CRYM: variants seen among roughly 807,000 people sequenced by gnomAD.
The protein encoded by CRYM is crystallin mu.
Under a neutral mutation model 32.9 loss-of-function variants are expected in CRYM, and 18 were observed. The observed-to-expected ratio is 0.55, with a 90% confidence interval of 0.38 to 0.81. CRYM has a LOEUF of 0.81. CRYM is among the 30% of genes least tolerant of loss of function. The pLI is 0.00. For missense variants in CRYM, 337 were observed against 393.5 expected (o/e 0.86, Z 1.21); for synonymous variants, 153 against 152.4 (o/e 1.00, Z -0.03).
At chr16:21,290,172 G>A (rs992139345) in intron 1 of CRYM, among the ~76,000 whole-genome samples, 1 of 152,142 alleles carries the variant, frequency 6.6e-6, no homozygotes, top group Non-Finnish European at 1.5e-5. Flanking sequence ...CTTCCATGCT[G>A]TGGGAACTTT....
intron 2 of CRYM, 76 bp from the exon 3 acceptor site, chr16:21,275,670 A>G (rs1266366833): frequency 4.0e-6 from 5 of 1,250,812 alleles, no homozygotes; most frequent in South Asian, 1.2e-5. Flanking sequence ...GTTCTAAAAT[A>G]TTAGCTTAGG....
intron 6 of CRYM, 21 bp downstream of exon 6, chr16:21,262,003 GTGGCAGCCCTGAC>G: frequency 6.2e-7 from 1 of 1,613,180 alleles, no homozygotes; most frequent in Non-Finnish European, 8.5e-7. Context: ...GGCCAGCCAG[GTGGCAGCCCTGAC>G]TGGGGTCAGA....
chr16:21,262,230 A>G, intron 5 of CRYM, 72 bp from the exon 6 acceptor site: 2 of 1,601,424 alleles, frequency 1.2e-6, no homozygotes, highest in Non-Finnish European at 1.7e-6. Flanking sequence ...AAAGCACAGG[A>G]GAGAGGTGAA....
intron 5 of CRYM, among the ~76,000 whole-genome samples, chr16:21,262,602 G>C (rs542280870): frequency 6.6e-6 from 1 of 152,228 alleles, no homozygotes; most frequent in Non-Finnish European, 1.5e-5. Flanking sequence ...CTGGGCAACA[G>C]AGTGAGGCTC....
At chr16:21,274,975 TC>T (rs1182561901) in intron 3 of CRYM, among the ~76,000 whole-genome samples, 1 of 152,206 alleles carries the variant, frequency 6.6e-6, no homozygotes, top group African/African-American at 2.4e-5. Context: ...CACTGCCATT[TC>T]CCTAACATTT....
chr16:21,296,454 T>A (rs1960789958), intron 1 of CRYM, among the ~76,000 whole-genome samples: 1 of 152,042 alleles, frequency 6.6e-6, no homozygotes, highest in Non-Finnish European at 1.5e-5. Flanking sequence ...GAACAAATAC[T>A]AAAACCTATC....
intron 1 of CRYM, among the ~76,000 whole-genome samples, chr16:21,284,983 A>G (rs2093405057): frequency 6.6e-6 from 1 of 152,034 alleles, no homozygotes; most frequent in Admixed American, 6.6e-5. Context: ...ATGTGAGATG[A>G]TATTCCATTG....
intron 6 of CRYM, 21 bp from the exon 7 acceptor site, chr16:21,261,359 G>C (rs2093354105): frequency 6.2e-7 from 1 of 1,604,170 alleles, no homozygotes; most frequent in Non-Finnish European, 8.5e-7. Flanking sequence ...AACATACGCT[G>C]ACCCAGGCAT....
chr16:21,266,123 G>T (rs894440370), intron 5 of CRYM, among the ~76,000 whole-genome samples: 1 of 152,130 alleles, frequency 6.6e-6, no homozygotes, highest in African/African-American at 2.4e-5. Context: ...TACTCGGCAG[G>T]CTGAGGCAGG....
intron 1 of CRYM, among the ~76,000 whole-genome samples, chr16:21,298,004 C>T (rs1447848735): frequency 1.3e-5 from 2 of 152,144 alleles, no homozygotes; most frequent in African/African-American, 4.8e-5. Context: ...ATCTTCTTAC[C>T]AATTGATATA....
At chr16:21,300,553 G>A (rs1218935330) in intron 1 of CRYM, 1 of 149,840 alleles carries the variant, frequency 6.7e-6, no homozygotes, top group Non-Finnish European at 1.5e-5. Context: ...AAAAAGAAAT[G>A]CCCTACACGT....
chr16:21,265,831 A>G (rs2093362770), intron 5 of CRYM, among the ~76,000 whole-genome samples: 1 of 152,174 alleles, frequency 6.6e-6, no homozygotes, highest in African/African-American at 2.4e-5. Flanking sequence ...GCTCACCAGA[A>G]TCCAGTCTTC....
chr16:21,301,015 A>AG (rs34308235), intron 1 of CRYM: 152,482 of 152,484 alleles, frequency 1, 76,240 homozygotes, highest in Middle Eastern at 1. Context: ...CAGAAGCCGC[A>AG]GGGCTGCGCT....
chr16:21,291,088 CT>C (rs1960640573), intron 1 of CRYM, among the ~76,000 whole-genome samples: 1 of 152,186 alleles, frequency 6.6e-6, no homozygotes, highest in Non-Finnish European at 1.5e-5. Flanking sequence ...TTAATTTTCT[CT>C]GTTTAATTTT....
chr16:21,281,208 A>T (rs2093397596), upstream of CRYM, among the ~76,000 whole-genome samples: 1 of 151,216 alleles, frequency 6.6e-6, no homozygotes, highest in African/African-American at 2.4e-5. Flanking sequence ...AGATATGTAT[A>T]TGTATCTATG....
chr16:21,297,692 T>C (rs1246615372), intron 1 of CRYM, among the ~76,000 whole-genome samples: 6 of 152,212 alleles, frequency 3.9e-5, no homozygotes, highest in Non-Finnish European at 7.3e-5. Flanking sequence ...ATATGTGCCA[T>C]GTGAGTGTCT....
intron 3 of CRYM, among the ~76,000 whole-genome samples, chr16:21,271,578 C>T (rs2093375393): frequency 1.3e-5 from 2 of 152,180 alleles, no homozygotes; most frequent in Admixed American, 6.5e-5. Flanking sequence ...TATAGTTTAA[C>T]GTCTCTGATT....
intron 3 of CRYM, among the ~76,000 whole-genome samples, chr16:21,271,659 GA>G (rs1567233836): frequency 2.0e-5 from 3 of 152,088 alleles, no homozygotes; most frequent in South Asian, 4.1e-4. Context: ...AGGATAATTA[GA>G]TTTTTTTCCT....
At chr16:21,298,551 C>A (rs1306203554) in intron 1 of CRYM, among the ~76,000 whole-genome samples, 1 of 152,062 alleles carries the variant, frequency 6.6e-6, no homozygotes, top group African/African-American at 2.4e-5. Context: ...CTGGATGATT[C>A]CATTCATATA....
Sources: gnomAD v4.1 joint callset for allele counts (sites outside exome capture counted in the v4.1 genomes callset) on GRCh38, gnomAD v4.1.1 for gene constraint, MANE v1.5 for transcripts, NCBI Gene and HGNC (gene_info 2026-07-23, HGNC 2026-07-21) for gene names.